CAPN11: variants seen among roughly 807,000 people sequenced by gnomAD.
CAPN11 encodes calpain 11, also known as calpain-11.
Under a neutral mutation model 105.3 loss-of-function variants are expected in CAPN11, and 108 were observed. The observed-to-expected ratio is 1.03, with a 90% CI of 0.88 to 1.20. The LOEUF is 1.20. Among genes scored for constraint, CAPN11 ranks in the 50% most tolerant of loss-of-function variants. CAPN11 has a pLI of 0.00. For synonymous variants in CAPN11, 329 were observed against 344.5 expected, an observed-to-expected ratio of 0.96 and a Z score of 0.50; for missense variants, 883 against 924.8, an observed-to-expected ratio of 0.95 and a Z score of 0.59.
rs1774203156 is a variant in CAPN11, at chr6:44,184,048, G to A, written c.*116G>A. The A allele has an allele frequency of 1.7e-6, 2 of 1,187,150 alleles. No homozygotes were observed. The highest frequency in any genetic ancestry group is 1.4e-5 in the South Asian group (1 of 72,928). The allele number at this position is 1,187,150 out of a possible 1,614,324, so 73.5% of individuals were successfully genotyped here. A position where few individuals can be genotyped will look rare whatever the true frequency, so the allele number is the denominator to read the frequency against. On this transcript the variant is annotated 3_prime_UTR_variant, in exon 23 of 23. Coordinates refer to ENST00000398776, the MANE Select transcript of CAPN11 (RefSeq NM_007058.4). ...TCTCCGGTCTCTGCTGATGAAATGG[G>A]CTCCAGGTGGCAGTGCCCGGGTCCC...
rs891047898 is a variant in CAPN11 at position 44,179,981 on chromosome 6, G to A, written c.1458G>A (p.Lys486=). 1 of 1,613,714 alleles carries A rather than the reference G, an allele frequency of 6.2e-7. No individual in the cohort carries two copies. The highest frequency in any genetic ancestry group is 1.3e-5 in the African/African-American group (1 of 74,908). The change falls in exon 14 of 23, where the codon AAG becomes AAA. Residue 486 remains lysine (K), a synonymous_variant. Coordinates refer to ENST00000398776, the MANE Select transcript of CAPN11 (RefSeq NM_007058.4). ...EFQNIQDVHL[K]KEFFTKYQDH... ...AGAACATTCAGGATGTCCACTTGAAGAAGGAATTCTTCACGAAGTATCAGG... is the reference window on the plus strand; with the variant it reads ...AGAACATTCAGGATGTCCACTTGAAAAAGGAATTCTTCACGAAGTATCAGG...
At chr6:44,182,685 T>G (rs1308711473) in intron 19 of CAPN11, among the ~76,000 whole-genome samples, 4 of 152,184 alleles carry the variant, frequency 2.6e-5, no homozygotes, top group Non-Finnish European at 5.9e-5. Flanking sequence ...CTCCGCCTCC[T>G]GCCTCAGCCT....
rs1561850887 is a variant in CAPN11 at position 44,178,749 on chromosome 6, T to TAAAAAAAA, written c.1417-870_1417-869insAAAAAAAA. ...GCAACACAGCAAGACCCTGTCTCGA[T>TAAAAAAAA]TAAAAAAAAAAAAAAAAAAAAAAAT... On this transcript the variant is annotated intron_variant, in intron 12 of 22. Coordinates refer to ENST00000398776, the MANE Select transcript of CAPN11 (RefSeq NM_007058.4). Among the ~76,000 whole-genome samples, 457 of 70,252 alleles carry TAAAAAAAA rather than the reference T, an allele frequency of 6.5e-3. 21 individuals are homozygous for TAAAAAAAA. Among genetic ancestry groups the TAAAAAAAA allele is most frequent in the East Asian group, 0.027 (89 of 3,352 alleles). 46.1% of individuals were successfully genotyped at this position (70,252 alleles called of 152,430 possible).
At chr6:44,178,732 G>T (rs1367526404) in intron 12 of CAPN11, among the ~76,000 whole-genome samples, 1 of 123,794 alleles carries the variant, frequency 8.1e-6, no homozygotes, top group Non-Finnish European at 1.6e-5. Context: ...GGGCAACACA[G>T]CAAGACCCTG....
rs1216371600 is a variant in CAPN11 at position 44,180,540 on chromosome 6, C to CT, written c.1680+42dup. 3 of 1,613,802 alleles carry CT rather than the reference C, an allele frequency of 1.9e-6. No homozygotes were observed. In the Admixed American group the frequency reaches 5.0e-5, roughly 27 times the overall value. On this transcript the variant is annotated intron_variant, in intron 15 of 22. Transcript: ENST00000398776. ...AGGGCTGGGGGTTGGAAGGAAGCTC[C>CT]TGGGCCTGTGAAAGAAGTTTTCTGA...
chr6:44,161,967 T>C, intron 1 of CAPN11: 1 of 450,748 alleles, frequency 2.2e-6, no homozygotes, highest in South Asian at 1.6e-5. Context: ...ACTGGAAAAT[T>C]CTTTATTGTG....
rs1320788462 is a variant in CAPN11 at position 44,183,775 on chromosome 6, A to T, written c.2193+12A>T. 3 of 1,613,126 alleles carry T rather than the reference A, an allele frequency of 1.9e-6. No homozygotes were observed. The highest frequency in any genetic ancestry group is 1.3e-5 in the African/African-American group (1 of 74,894). On this transcript the variant is annotated intron_variant, in intron 22 of 22. Coordinates refer to ENST00000398776, the MANE Select transcript of CAPN11 (RefSeq NM_007058.4). ...TGAGCCTGGAACAGGTACTTGGAGA[A>T]GGGTGGGAAGGAATCTGCAGGATTG... is the stretch of plus-strand genomic sequence containing the variant.
intron 3 of CAPN11, 39 bp from the exon 4 acceptor site, chr6:44,169,867 T>A: frequency 1.4e-6 from 2 of 1,457,970 alleles, no homozygotes; most frequent in Non-Finnish European, 1.9e-6. Flanking sequence ...GGGGAGGGGG[T>A]GTCCTGGGCC....
At chr6:44,161,476 A>G (rs55877192) in intron 1 of CAPN11, among the ~76,000 whole-genome samples, 18,201 of 152,248 alleles carry the variant, frequency 0.12, 1,159 homozygotes, top group East Asian at 0.15. Flanking sequence ...CTGGGATTAC[A>G]GGCGTGAGCC....
At position 44,166,937 on chromosome 6, in the gene CAPN11, G is replaced by A. The variant is rs140171667; in HGVS notation, c.88+108G>A. On this transcript the variant is annotated intron_variant, in intron 2 of 22. Coordinates refer to ENST00000398776, the MANE Select transcript of CAPN11 (RefSeq NM_007058.4). Reference sequence around the variant, plus strand: ...TGGTGGGGGAAGTCAGTCATGTTGTGTGGGGAGGGCGGCGGGGGGAGGGGA... The same window carrying A: ...TGGTGGGGGAAGTCAGTCATGTTGTATGGGGAGGGCGGCGGGGGGAGGGGA... 4.9e-3 allele frequency: 3,101 copies of A among 630,042 alleles called. 27 individuals carry two copies. Among genetic ancestry groups the A allele is most frequent in the Non-Finnish European group, 6.5e-3 (2,323 of 357,304 alleles). 39.0% of individuals were successfully genotyped at this position (630,042 alleles called of 1,614,324 possible). A position where few individuals can be genotyped will look rare whatever the true frequency, so the allele number is the denominator to read the frequency against.
At chr6:44,162,714 A>T (rs747722568) in intron 1 of CAPN11, among the ~76,000 whole-genome samples, 2 of 152,108 alleles carry the variant, frequency 1.3e-5, no homozygotes, top group Non-Finnish European at 2.9e-5. Context: ...GCCCCTTTTC[A>T]TGGCACTTTC....
intron 19 of CAPN11, among the ~76,000 whole-genome samples, 180 bp downstream of exon 19, chr6:44,181,500 A>G (rs1773281622): frequency 7.1e-6 from 1 of 140,504 alleles, no homozygotes; most frequent in Non-Finnish European, 1.6e-5. Context: ...CCACACACAC[A>G]CACACACACT....
chr6:44,177,569 CCT>C, intron 12 of CAPN11, 149 bp downstream of exon 12: 2 of 695,352 alleles, frequency 2.9e-6, no homozygotes, highest in Non-Finnish European at 4.7e-6. Flanking sequence ...TTCACTGCAA[CCT>C]CAGCCTCCCC....
At chr6:44,159,418 G>T (rs532657601) in intron 1 of CAPN11, among the ~76,000 whole-genome samples, 73 of 152,210 alleles carry the variant, frequency 4.8e-4, no homozygotes, top group African/African-American at 1.6e-3. Context: ...GGGCTGGGCA[G>T]AACTGAGTTG....
At chr6:44,183,284 C>A (rs754648647) in intron 21 of CAPN11, 49 bp downstream of exon 21, 2 of 1,249,088 alleles carry the variant, frequency 1.6e-6, no homozygotes, top group South Asian at 2.4e-5. Flanking sequence ...GGGCCGCGGG[C>A]CCTTTCCCAA....
chr6:44,158,933 A>C, intron 1 of CAPN11, 69 bp downstream of exon 1: 3 of 1,336,954 alleles, frequency 2.2e-6, no homozygotes, highest in Non-Finnish European at 3.1e-6. Flanking sequence ...CCAGGGGAGG[A>C]GCTGTGTCCC....
At chr6:44,169,783 C>A in intron 3 of CAPN11, 123 bp from the exon 4 acceptor site, 1 of 849,026 alleles carries the variant, frequency 1.2e-6, no homozygotes, top group Non-Finnish European at 1.9e-6. Context: ...CCTGTACCCT[C>A]TCCCTGCCCC....
intron 1 of CAPN11, 71 bp downstream of exon 1, chr6:44,158,935 C>G: frequency 1.5e-6 from 2 of 1,332,238 alleles, no homozygotes; most frequent in South Asian, 1.3e-5. Context: ...AGGGGAGGAG[C>G]TGTGTCCCGC....
At chr6:44,161,763 C>T (rs1289105018) in intron 1 of CAPN11, 2 of 456,016 alleles carry the variant, frequency 4.4e-6, no homozygotes, top group Non-Finnish European at 8.8e-6. Flanking sequence ...TCTTCTCAAA[C>T]AACAGCATCT....
Sources: gnomAD v4.1 joint callset for allele counts (sites outside exome capture counted in the v4.1 genomes callset) on GRCh38, gnomAD v4.1.1 for gene constraint, MANE v1.5 for transcripts, NCBI Gene and HGNC (gene_info 2026-07-23, HGNC 2026-07-21) for gene names.